The following ZNF678 variants were observed in gnomAD, a reference collection of about 807,000 sequenced individuals.
ZNF678 encodes the protein zinc finger protein 678.
In ZNF678, 5 loss-of-function variants were observed where a neutral mutation model predicts 3.0. The observed-to-expected ratio is 1.69, with a 90% CI of 0.88 to 3.56. The LOEUF is 3.56. ZNF678 is among the 30% of genes most tolerant of loss of function. The pLI is 0.00. For missense variants in ZNF678, 593 were observed against 605.0 expected, an observed-to-expected ratio of 0.98 and a Z score of 0.21; for synonymous variants, 218 against 199.6, an observed-to-expected ratio of 1.09 and a Z score of -0.78.
chr1:227,563,578 A>G lies in ZNF678; in HGVS notation c.-310A>G. On this transcript the variant is annotated 5_prime_UTR_variant, in exon 1 of 4. Transcript: ENST00000343776. ...GGCCTTTGTCTTGTGCTCCAGCTGG[A>G]GCTTTGGTCCCGTATTCTCGGCTAT... The G allele has an allele frequency of 1.2e-6, 1 of 829,268 alleles. No individual in the cohort carries two copies. The highest frequency in any genetic ancestry group is 1.8e-6 in the Non-Finnish European group (1 of 555,672). 51.4% of individuals were successfully genotyped at this position (829,268 alleles called of 1,614,324 possible). A position where few individuals can be genotyped will look rare whatever the true frequency, so the allele number is the denominator to read the frequency against.
chr1:227,592,194 C>A (rs143525061), intron 1 of ZNF678, among the ~76,000 whole-genome samples: 2 of 152,162 alleles, frequency 1.3e-5, no homozygotes, highest in African/African-American at 4.8e-5. Context: ...AGTGGTTATG[C>A]GGGGATTTTC....
chr1:227,588,300 C>T (rs536065316), intron 1 of ZNF678, among the ~76,000 whole-genome samples: 65 of 152,144 alleles, frequency 4.3e-4, no homozygotes, highest in African/African-American at 1.5e-3. Flanking sequence ...CATACATGTG[C>T]ATGTATCTTT....
chr1:227,652,092 T>C (rs1558156180), intron 3 of ZNF678, among the ~76,000 whole-genome samples: 1 of 152,224 alleles, frequency 6.6e-6, no homozygotes, highest in Non-Finnish European at 1.5e-5. Context: ...ATGTTCTTAG[T>C]AAATCTTATA....
At chr1:227,604,159 GAACC>G (rs1215812256) in intron 1 of ZNF678, among the ~76,000 whole-genome samples, 1 of 152,208 alleles carries the variant, frequency 6.6e-6, no homozygotes, top group Non-Finnish European at 1.5e-5. Context: ...GTCTTTGTGT[GAACC>G]AACATTTTCA....
At chr1:227,670,093 G>T (rs549867848) in intron 5 of ZNF678, among the ~76,000 whole-genome samples, 3 of 152,138 alleles carry the variant, frequency 2.0e-5, no homozygotes, top group Non-Finnish European at 4.4e-5. Flanking sequence ...ATTAACTCTG[G>T]AACAGAAAAC....
intron 5 of ZNF678, among the ~76,000 whole-genome samples, chr1:227,670,142 C>T (rs1659575448): frequency 6.6e-6 from 1 of 152,112 alleles, no homozygotes; most frequent in South Asian, 2.1e-4. Flanking sequence ...GGAAGATAAA[C>T]AAATAGGCAC....
At chr1:227,628,524 C>G (rs935853683) in intron 1 of ZNF678, among the ~76,000 whole-genome samples, 7 of 152,156 alleles carry the variant, frequency 4.6e-5, no homozygotes, top group South Asian at 2.1e-4. Flanking sequence ...GCCAAGGAAC[C>G]CTCTTAATTG....
At chr1:227,663,403 A>T (rs895580573), downstream of ZNF678, among the ~76,000 whole-genome samples, 6 of 152,176 alleles carry the variant, frequency 3.9e-5, no homozygotes, top group African/African-American at 1.4e-4. Context: ...ACGTGATATC[A>T]AGACATGTAA....
chr1:227,630,050 G>A (rs1658512861), intron 1 of ZNF678, among the ~76,000 whole-genome samples: 3 of 151,842 alleles, frequency 2.0e-5, no homozygotes, highest in South Asian at 4.2e-4. Flanking sequence ...GTTTTGCTCC[G>A]GGTCTAAGGC....
chr1:227,594,470 A>G (rs933285479), intron 1 of ZNF678, among the ~76,000 whole-genome samples: 1 of 152,234 alleles, frequency 6.6e-6, no homozygotes, highest in East Asian at 1.9e-4. Flanking sequence ...TCCAGTTTAC[A>G]GAAAAACTGG....
At chr1:227,584,478 A>G (rs921498657) in intron 1 of ZNF678, among the ~76,000 whole-genome samples, 8 of 152,246 alleles carry the variant, frequency 5.3e-5, no homozygotes, top group African/African-American at 1.4e-4. Flanking sequence ...ACCTTGCTCT[A>G]TCTCCAGCTA....
intron 1 of ZNF678, among the ~76,000 whole-genome samples, chr1:227,613,614 C>T (rs989636736): frequency 6.6e-6 from 1 of 152,208 alleles, no homozygotes; most frequent in Admixed American, 6.5e-5. Flanking sequence ...TTAATGTTGG[C>T]TGAATAAGAT....
chr1:227,583,538 A>G (rs1657187735), intron 1 of ZNF678, among the ~76,000 whole-genome samples: 1 of 151,892 alleles, frequency 6.6e-6, no homozygotes, highest in Admixed American at 6.6e-5. Context: ...TTCCTTGACC[A>G]CTGTCAGAAT....
chr1:227,670,641 G>A (rs1034719429), intron 5 of ZNF678, among the ~76,000 whole-genome samples: 1 of 152,146 alleles, frequency 6.6e-6, no homozygotes, highest in African/African-American at 2.4e-5. Flanking sequence ...GGTCAGGAAT[G>A]ATCAGAAAGG....
chr1:227,640,011 C>T (rs1041469516), intron 1 of ZNF678, among the ~76,000 whole-genome samples: 1 of 152,106 alleles, frequency 6.6e-6, no homozygotes, highest in Non-Finnish European at 1.5e-5. Context: ...CTGAAGGGGG[C>T]ACTCTAGCAC....
intron 2 of ZNF678, among the ~76,000 whole-genome samples, chr1:227,649,059 G>A (rs1173753174): frequency 3.3e-5 from 5 of 151,950 alleles, no homozygotes; most frequent in African/African-American, 9.7e-5. Context: ...TTTTATGACC[G>A]AATAATATTT....
At chr1:227,630,868 A>C (rs1326773633) in intron 1 of ZNF678, among the ~76,000 whole-genome samples, 1 of 152,190 alleles carries the variant, frequency 6.6e-6, no homozygotes, top group African/African-American at 2.4e-5. Context: ...CACTTTTTAC[A>C]TAATTGTGAG....
chr1:227,658,211 C>T lies in ZNF678; in HGVS notation c.*2383C>T, dbSNP rs1659299524. On this transcript the variant is annotated 3_prime_UTR_variant, in exon 4 of 4. Coordinates refer to ENST00000343776, the MANE Select transcript of ZNF678 (RefSeq NM_001367909.1). ...ATATTTTACATAATTGAATTTTTTT[C>T]ACTTTATTGAGCCATTTTGTTTAGA... 6.6e-6 allele frequency: 1 copy of T among 151,246 alleles called. No homozygotes were observed. Among genetic ancestry groups the T allele is most frequent in the South Asian group, 2.1e-4 (1 of 4,800 alleles). 9.4% of individuals were successfully genotyped at this position (151,246 alleles called of 1,614,324 possible).
At chr1:227,605,106 C>T (rs531134361) in intron 1 of ZNF678, among the ~76,000 whole-genome samples, 4 of 152,296 alleles carry the variant, frequency 2.6e-5, no homozygotes, top group South Asian at 2.1e-4. Flanking sequence ...CCGCCCGCCT[C>T]GGCCTCCCAA....
Sources: gnomAD v4.1 joint callset for allele counts (sites outside exome capture counted in the v4.1 genomes callset) on GRCh38, gnomAD v4.1.1 for gene constraint, MANE v1.5 for transcripts, NCBI Gene and HGNC (gene_info 2026-07-23, HGNC 2026-07-21) for gene names.